Variants in REDIC1 observed in about 807,000 individuals in gnomAD.
The protein encoded by REDIC1 is regulator of DNA class I crossover intermediates 1, also known as HEI10 Interacting Protein 1.
chr12:39,797,799 C>T, the REDIC1 span, among the ~76,000 whole-genome samples: 9 of 150,996 alleles, frequency 6.0e-5, no homozygotes, highest in East Asian at 1.2e-3. Flanking sequence ...TACTGAAAAC[C>T]GGTCGTAATT....
At chr12:39,732,961 T>A in the REDIC1 span, among the ~76,000 whole-genome samples, 1 of 151,966 alleles carries the variant, frequency 6.6e-6, no homozygotes, top group East Asian at 1.9e-4. Flanking sequence ...CTCCAAGAAG[T>A]CTTCATTTTT....
chr12:39,669,152 T>A, the REDIC1 span, among the ~76,000 whole-genome samples: 1 of 152,188 alleles, frequency 6.6e-6, no homozygotes, highest in Non-Finnish European at 1.5e-5. Context: ...TTTCCAGTTT[T>A]TCTGCTCCGT....
At chr12:39,900,046 C>T in the REDIC1 span, among the ~76,000 whole-genome samples, 36 of 152,078 alleles carry the variant, frequency 2.4e-4, no homozygotes, top group African/African-American at 8.7e-4. Context: ...ATATGCAAAT[C>T]AATAAATGTA....
chr12:39,691,484 A>C, the REDIC1 span, among the ~76,000 whole-genome samples: 12 of 152,164 alleles, frequency 7.9e-5, no homozygotes, highest in Non-Finnish European at 1.8e-4. Flanking sequence ...AATTTGATAA[A>C]ATTGAAATCA....
chr12:39,897,190 T>C, the REDIC1 span, among the ~76,000 whole-genome samples: 5 of 152,126 alleles, frequency 3.3e-5, no homozygotes, highest in African/African-American at 1.2e-4. Context: ...ACTCAATCTT[T>C]CCATCCATGA....
the REDIC1 span, among the ~76,000 whole-genome samples, chr12:39,904,639 G>T: frequency 6.6e-6 from 1 of 152,042 alleles, no homozygotes; most frequent in Non-Finnish European, 1.5e-5. Flanking sequence ...GTCCTATCAC[G>T]TGCCTTCTTC....
chr12:39,706,082 T>TA, the REDIC1 span, among the ~76,000 whole-genome samples: 2 of 151,980 alleles, frequency 1.3e-5, no homozygotes, highest in East Asian at 1.9e-4. Flanking sequence ...AAAGATGCCA[T>TA]AAAAAACCTA....
At chr12:39,865,421 C>A in the REDIC1 span, among the ~76,000 whole-genome samples, 1 of 152,138 alleles carries the variant, frequency 6.6e-6, no homozygotes, top group Non-Finnish European at 1.5e-5. Context: ...TTTTTGAAGA[C>A]TTTAAAGTAC....
At chr12:39,894,554 T>G in the REDIC1 span, among the ~76,000 whole-genome samples, 1 of 152,334 alleles carries the variant, frequency 6.6e-6, no homozygotes, top group Admixed American at 6.5e-5. Flanking sequence ...CATACTGAAG[T>G]GGTTAAACCC....
chr12:39,822,414 A>G, the REDIC1 span, among the ~76,000 whole-genome samples: 1 of 152,194 alleles, frequency 6.6e-6, no homozygotes, highest in Admixed American at 6.5e-5. Context: ...AAATTAAAAT[A>G]TCTAAATAAG....
the REDIC1 span, among the ~76,000 whole-genome samples, chr12:39,796,802 C>A: frequency 6.6e-6 from 1 of 152,140 alleles, no homozygotes; most frequent in African/African-American, 2.4e-5. Context: ...CATTCTCCTG[C>A]TAGATGGTTT....
the REDIC1 span, chr12:39,819,903 T>C: frequency 6.5e-6 from 1 of 152,936 alleles, no homozygotes; most frequent in Non-Finnish European, 1.5e-5. Flanking sequence ...TTTAATAGCA[T>C]GTAGCACAAT....
the REDIC1 span, chr12:39,830,429 CACAGCAA>C: frequency 7.8e-7 from 1 of 1,287,240 alleles, no homozygotes; most frequent in Non-Finnish European, 9.9e-7. Context: ...CTCTTTTGGC[CACAGCAA>C]CTTTGGAAGT....
At chr12:39,686,857 A>G in the REDIC1 span, among the ~76,000 whole-genome samples, 1 of 152,204 alleles carries the variant, frequency 6.6e-6, no homozygotes, top group Non-Finnish European at 1.5e-5. Flanking sequence ...CAGCTGGTCC[A>G]TATCTTCAAT....
At chr12:39,825,292 G>C in the REDIC1 span, among the ~76,000 whole-genome samples, 1 of 152,030 alleles carries the variant, frequency 6.6e-6, no homozygotes, top group Non-Finnish European at 1.5e-5. Flanking sequence ...TAGGGAGGCG[G>C]ATAAATAGAC....
At chr12:39,669,852 G>T in the REDIC1 span, among the ~76,000 whole-genome samples, 1 of 152,216 alleles carries the variant, frequency 6.6e-6, no homozygotes, top group African/African-American at 2.4e-5. Context: ...CTCTGAGCCA[G>T]GTGTGGGGTA....
At chr12:39,657,105 C>T in the REDIC1 span, among the ~76,000 whole-genome samples, 5 of 152,154 alleles carry the variant, frequency 3.3e-5, no homozygotes, top group African/African-American at 9.7e-5. Flanking sequence ...CACTGACTTA[C>T]CCAAAACAAC....
chr12:39,883,354 T>G, the REDIC1 span, among the ~76,000 whole-genome samples: 23 of 152,190 alleles, frequency 1.5e-4, no homozygotes, highest in African/African-American at 5.5e-4. Context: ...TGTTCCCAGG[T>G]GCCCTCATGG....
At chr12:39,756,988 A>G in the REDIC1 span, 2 of 151,596 alleles carry the variant, frequency 1.3e-5, no homozygotes, top group Admixed American at 1.3e-4. Flanking sequence ...AATATTTTAC[A>G]TATATTAAAA....
Sources: gnomAD v4.1 joint callset for allele counts (sites outside exome capture counted in the v4.1 genomes callset) on GRCh38, gnomAD v4.1.1 for gene constraint, MANE v1.5 for transcripts, NCBI Gene and HGNC (gene_info 2026-07-23, HGNC 2026-07-21) for gene names.